Variants in BRMS1L observed in about 807,000 individuals in gnomAD.
The protein encoded by BRMS1L is breast cancer metastasis-suppressor 1-like protein.
In BRMS1L, 23 loss-of-function variants were observed where a neutral mutation model predicts 50.3. The ratio of observed to expected loss-of-function variants is 0.46; its 90% CI spans 0.33 to 0.65. The LOEUF is 0.65. Ranked by LOEUF, BRMS1L falls within the 30% of genes least tolerant of loss-of-function variation. The pLI is 0.02. For missense variants in BRMS1L, 286 were observed against 386.1 expected, an observed-to-expected ratio of 0.74 and a Z score of 2.17; for synonymous variants, 114 against 126.9, an observed-to-expected ratio of 0.90 and a Z score of 0.69.
At chr14:35,848,882 A>G (rs1056157029) in intron 4 of BRMS1L, among the ~76,000 whole-genome samples, 11 of 152,190 alleles carry the variant, frequency 7.2e-5, no homozygotes, top group South Asian at 4.1e-4. Context: ...CATTTCATCA[A>G]TGGATGAACT....
chr14:35,833,213 T>A, intron 3 of BRMS1L, 108 bp downstream of exon 3: 1 of 1,140,006 alleles, frequency 8.8e-7, no homozygotes, highest in Non-Finnish European at 1.2e-6. Context: ...CAAGCATATT[T>A]ACATCGACCA....
chr14:35,826,421 G>T lies in BRMS1L; in HGVS notation c.-96G>T, dbSNP rs891091586. 9.2e-6 allele frequency: 14 copies of T among 1,528,696 alleles called. No homozygotes were observed. The highest frequency in any genetic ancestry group is 1.2e-5 in the Non-Finnish European group (14 of 1,136,088). 94.7% of individuals were successfully genotyped at this position (1,528,696 alleles called of 1,614,324 possible). ...GGAGCCAAGGGGGCGAGCAAGCTCG[G>T]TGGCTGGGTGGGTTGGGGCGTTCCG... On this transcript the variant is annotated 5_prime_UTR_variant, in exon 1 of 10. Coordinates refer to ENST00000216807, the MANE Select transcript of BRMS1L (RefSeq NM_032352.4).
chr14:35,838,202 C>T lies in BRMS1L; in HGVS notation c.441+3279C>T, dbSNP rs558520707. Among the ~76,000 whole-genome samples, 8 of 152,330 alleles carry T rather than the reference C, an allele frequency of 5.3e-5. No individual in the cohort carries two copies. The South Asian group carries it at 1.7e-3, about 32-fold the overall frequency. The stretch of plus-strand genomic sequence containing the variant: ...TCCATGTCCCTGCAAAGGACATGAA[C>T]TCATCCTTTTCTATGGCTGCATAGT... On this transcript the variant is annotated intron_variant, in intron 4 of 9. Transcript: ENST00000216807.
intron 4 of BRMS1L, among the ~76,000 whole-genome samples, chr14:35,841,456 G>A (rs1303814006): frequency 1.3e-5 from 2 of 151,924 alleles, no homozygotes; most frequent in Admixed American, 6.6e-5. Flanking sequence ...CTGCCACCAC[G>A]CCAGCTAATC....
At chr14:35,865,867 C>A in intron 8 of BRMS1L, 106 bp downstream of exon 8, 2 of 964,970 alleles carry the variant, frequency 2.1e-6, no homozygotes, top group Non-Finnish European at 3.2e-6. Flanking sequence ...TTTATTTCAT[C>A]AGTGAACACC....
rs2142069202 is a variant in BRMS1L, at chr14:35,871,872, C to G, written c.*1395C>G. 6.6e-6 allele frequency: 1 copy of G among 152,660 alleles called. No homozygotes were observed. Among genetic ancestry groups the G allele is most frequent in the East Asian group, 1.9e-4 (1 of 5,182 alleles). The allele number at this position is 152,660 out of a possible 1,614,324, so 9.5% of individuals were successfully genotyped here. A position where few individuals can be genotyped will look rare whatever the true frequency, so the allele number is the denominator to read the frequency against. On this transcript the variant is annotated 3_prime_UTR_variant, in exon 10 of 10. Transcript: ENST00000216807. ...AATGTCAAAACCCAATAGTATTTGA[C>G]AGTACTTATGTATACAATGTTTGAT...
intron 6 of BRMS1L, among the ~76,000 whole-genome samples, chr14:35,864,656 C>G (rs766808319): frequency 6.6e-6 from 1 of 152,122 alleles, no homozygotes; most frequent in Non-Finnish European, 1.5e-5. Flanking sequence ...CCCTCTACCC[C>G]CATCTTTTCC....
Position 35,828,349 on chromosome 14 carries a change from T to C in BRMS1L, c.142+1691T>C, listed in dbSNP as rs1027545099. 6.0e-5 allele frequency among the ~76,000 whole-genome samples: 9 copies of C among 150,982 alleles called. No individual in the cohort carries two copies. In the South Asian group the frequency reaches 6.3e-4, roughly 11 times the overall value. ...CACCACACCAAGCTAATTTTTTGTA[T>C]TTTTAGTAGAGACAGGGTTTCTCCA... On this transcript the variant is annotated intron_variant, in intron 1 of 9. Transcript: ENST00000216807.
Position 35,862,678 on chromosome 14 carries a change from T to C in BRMS1L, c.530T>C (p.Ile177Thr), listed in dbSNP as rs1162430700. Residue 177 changes from isoleucine (I) to threonine (T), a missense_variant, in exon 5 of 10, where the codon ATT (isoleucine) becomes ACT (threonine). Around this residue, in one of 5 missense-constraint regions of BRMS1L, gnomAD observed 160 missense variants for 240.6 expected, o/e 0.66. Coordinates refer to ENST00000216807, the MANE Select transcript of BRMS1L (RefSeq NM_032352.4). ...RLEEDRHSID[I>T]TSELWNDELQ... ...GAAGAGGATAGGCACAGCATTGATA[T>C]TACCTCAGGTAAGGAGAATGATATG... is the stretch of plus-strand genomic sequence containing the variant. 1 of 1,605,872 alleles carries C rather than the reference T, an allele frequency of 6.2e-7. No homozygotes were observed. Among genetic ancestry groups the C allele is most frequent in the Non-Finnish European group, 8.5e-7 (1 of 1,174,936 alleles).
intron 4 of BRMS1L, among the ~76,000 whole-genome samples, chr14:35,836,674 A>G (rs1472747107): frequency 1.3e-5 from 2 of 152,050 alleles, no homozygotes; most frequent in East Asian, 1.9e-4. Flanking sequence ...AAAAAGATGT[A>G]TTTTCCTTTA....
intron 4 of BRMS1L, among the ~76,000 whole-genome samples, chr14:35,841,886 A>AG (rs1448574446): frequency 3.3e-5 from 5 of 151,494 alleles, no homozygotes; most frequent in African/African-American, 1.2e-4. Flanking sequence ...TAGGATAGTT[A>AG]GTTTCTCTGG....
chr14:35,860,886 G>C (rs1436566486), intron 4 of BRMS1L, among the ~76,000 whole-genome samples: 1 of 152,244 alleles, frequency 6.6e-6, no homozygotes, highest in African/African-American at 2.4e-5. Context: ...AGACTAGAGG[G>C]ATGTGGGATC....
At chr14:35,836,261 T>G (rs1448669129) in intron 4 of BRMS1L, among the ~76,000 whole-genome samples, 1 of 152,254 alleles carries the variant, frequency 6.6e-6, no homozygotes, top group Non-Finnish European at 1.5e-5. Flanking sequence ...ATGTTTTCAC[T>G]CTTTCTGATG....
chr14:35,839,622 T>C (rs1205496431), intron 4 of BRMS1L, among the ~76,000 whole-genome samples: 1 of 152,188 alleles, frequency 6.6e-6, no homozygotes, highest in African/African-American at 2.4e-5. Context: ...TATTTTATTC[T>C]CTTTGTAGCA....
intron 4 of BRMS1L, among the ~76,000 whole-genome samples, chr14:35,843,170 C>G (rs2078088586): frequency 6.6e-6 from 1 of 152,216 alleles, no homozygotes; most frequent in Admixed American, 6.5e-5. Flanking sequence ...CTACTGAAGC[C>G]TACTTCTGCC....
chr14:35,867,936 G>A lies in BRMS1L; in HGVS notation c.758G>A (p.Ser253Asn), dbSNP rs1247380433. The change falls in exon 9 of 10, where the codon AGT (serine) becomes AAT (asparagine). Residue 253 changes from serine (S) to asparagine (N), a missense_variant. Ser to Asn is a conservative substitution (Grantham distance 46, BLOSUM62 1). This residue lies in a region of BRMS1L where 160 missense variants were observed against 240.6 expected (regional missense o/e 0.66). Coordinates refer to ENST00000216807, the MANE Select transcript of BRMS1L (RefSeq NM_032352.4). The stretch of plus-strand genomic sequence containing the variant: ...GTGAAACTGGAAAAACATCTGCACA[G>A]TGCTAGATCTGAAGAGGGAAGACTA... ...PPVKLEKHLH[S>N]ARSEEGRLYY... 2 of 1,612,152 alleles carry A rather than the reference G, an allele frequency of 1.2e-6. No homozygotes were observed. Among genetic ancestry groups the A allele is most frequent in the African/African-American group, 2.7e-5 (2 of 74,798 alleles).
chr14:35,863,466 G>T (rs865917786), intron 5 of BRMS1L, among the ~76,000 whole-genome samples: 4 of 152,164 alleles, frequency 2.6e-5, no homozygotes, highest in Middle Eastern at 3.2e-3. Flanking sequence ...TAGTGCCAGT[G>T]CTCCCTCACC....
chr14:35,865,149 A>G, intron 7 of BRMS1L, 150 bp downstream of exon 7: 1 of 520,952 alleles, frequency 1.9e-6, no homozygotes. Context: ...TATTACAGAT[A>G]GCAGTGAACT....
At chr14:35,867,686 CA>C (rs1566431868) in intron 8 of BRMS1L, 1 of 289,584 alleles carries the variant, frequency 3.5e-6, no homozygotes, top group Admixed American at 5.2e-5. Flanking sequence ...ATTTATTGTT[CA>C]TTGTTTAGCT....
Sources: allele counts gnomAD v4.1 joint callset (sites outside exome capture counted in the v4.1 genomes callset), GRCh38; gene constraint gnomAD v4.1.1; regional missense constraint gnomAD v4.1.1; transcripts MANE v1.5; gene names NCBI Gene and HGNC (gene_info 2026-07-23, HGNC 2026-07-21).